The following DAB1 variants were observed in gnomAD, a reference collection of about 807,000 sequenced individuals.
DAB1 encodes disabled homolog 1.
DAB1 carries 15 observed loss-of-function variants against 64.6 expected under a neutral mutation model. The observed-to-expected ratio is 0.23, with a 90% CI of 0.16 to 0.36. The LOEUF is 0.36. DAB1 is among the 10% of genes least tolerant of loss of function. The probability of loss-of-function intolerance (pLI) is 1.00; values close to 1 mark genes in which losing one functional copy is unlikely to be tolerated. For missense variants in DAB1, 596 were observed against 706.7 expected (o/e 0.84, Z 1.78); for synonymous variants, 235 against 251.9 (o/e 0.93, Z 0.64).
intron 6 of DAB1, among the ~76,000 whole-genome samples, chr1:57,717,186 G>A (rs984124923): frequency 1.5e-4 from 23 of 151,834 alleles, no homozygotes; most frequent in African/African-American, 5.3e-4. Flanking sequence ...GTGGTGAGCC[G>A]AGACCGCACC....
chr1:58,290,881 C>T (rs1317688684), intron 4 of DAB1, among the ~76,000 whole-genome samples: 1 of 152,204 alleles, frequency 6.6e-6, no homozygotes, highest in Non-Finnish European at 1.5e-5. Flanking sequence ...GGAGAGGTGC[C>T]GCATTGCTGA....
At chr1:57,182,556 T>C (rs181370201) in intron 2 of DAB1, among the ~76,000 whole-genome samples, 1 of 152,290 alleles carries the variant, frequency 6.6e-6, no homozygotes, top group Non-Finnish European at 1.5e-5. Context: ...AGGAAAGACT[T>C]ATCTCCTACC....
chr1:57,553,510 G>GGA (rs1318877570), intron 7 of DAB1, among the ~76,000 whole-genome samples: 1 of 40,236 alleles, frequency 2.5e-5, no homozygotes, highest in Non-Finnish European at 8.1e-5. Context: ...GGAAGGAAGA[G>GGA]AGAGAGAGAA....
chr1:58,312,077 C>T (rs1005480411), intron 4 of DAB1, among the ~76,000 whole-genome samples: 10 of 152,126 alleles, frequency 6.6e-5, no homozygotes, highest in African/African-American at 2.4e-4. Context: ...TGCCATCAGA[C>T]ACAAAGTTCC....
At chr1:57,314,985 A>C (rs568278024) in intron 1 of DAB1, among the ~76,000 whole-genome samples, 2 of 152,318 alleles carry the variant, frequency 1.3e-5, no homozygotes, top group East Asian at 3.9e-4. Context: ...AAGGGCACTT[A>C]CTTTAAATAA....
intron 5 of DAB1, among the ~76,000 whole-genome samples, chr1:58,077,623 T>G (rs1649736471): frequency 1.3e-5 from 2 of 152,232 alleles, no homozygotes; most frequent in East Asian, 1.9e-4. Flanking sequence ...TGGGTAATTG[T>G]TCTTCTGACC....
intron 7 of DAB1, among the ~76,000 whole-genome samples, chr1:57,525,698 C>A (rs900611298): frequency 6.6e-6 from 1 of 151,704 alleles, no homozygotes; most frequent in East Asian, 1.9e-4. Flanking sequence ...AAGTGTTAAA[C>A]CAAGATATAA....
At chr1:58,396,101 T>C (rs1644519216) in intron 3 of DAB1, among the ~76,000 whole-genome samples, 2 of 150,184 alleles carry the variant, frequency 1.3e-5, no homozygotes, top group Non-Finnish European at 3.0e-5. Flanking sequence ...TTGTGAAGTA[T>C]TACCAGGCGA....
At position 57,086,672 on chromosome 1, in the gene DAB1, CACACACACACACACAT is replaced by C. The variant is rs377015886; in HGVS notation, c.307-14274_307-14259del. 9.4e-3 allele frequency among the ~76,000 whole-genome samples: 1,417 copies of C among 150,660 alleles called. 31 individuals are homozygous for C. Among genetic ancestry groups the C allele is most frequent in the Admixed American group, 0.047 (709 of 15,074 alleles). On this transcript the variant is annotated intron_variant, in intron 4 of 14. Transcript: ENST00000371236. ...ACACACACACACACACACACACACA[CACACACACACACACAT>C]GAAAAAAACCTGAATGGCGGGGGGA...
intron 4 of DAB1, among the ~76,000 whole-genome samples, chr1:58,313,930 G>T (rs1351975328): frequency 1.3e-5 from 2 of 151,308 alleles, no homozygotes; most frequent in African/African-American, 4.9e-5. Flanking sequence ...TCACCTCCAA[G>T]AATCATCACA....
chr1:57,197,211 G>T (rs1272546210), intron 2 of DAB1, among the ~76,000 whole-genome samples: 1 of 152,076 alleles, frequency 6.6e-6, no homozygotes, highest in South Asian at 2.1e-4. Flanking sequence ...AGGCATGGTG[G>T]CACGTGTCTG....
At chr1:57,378,556 C>A (rs1393488158) in intron 1 of DAB1, among the ~76,000 whole-genome samples, 1 of 152,130 alleles carries the variant, frequency 6.6e-6, no homozygotes, top group African/African-American at 2.4e-5. Flanking sequence ...AATTACCAAG[C>A]TGTATAAGAT....
chr1:57,956,086 T>TA (rs1645386453), intron 5 of DAB1, among the ~76,000 whole-genome samples: 2 of 152,238 alleles, frequency 1.3e-5, no homozygotes, highest in East Asian at 3.9e-4. Context: ...ATCTGTTGTG[T>TA]CAGAGGAAGG....
chr1:57,923,726 A>G (rs551461669), intron 5 of DAB1, among the ~76,000 whole-genome samples: 1 of 152,352 alleles, frequency 6.6e-6, no homozygotes, highest in South Asian at 2.1e-4. Context: ...CAAGAACCTC[A>G]AAAGGTCTTT....
chr1:57,184,602 G>T (rs1345478157), intron 2 of DAB1, among the ~76,000 whole-genome samples: 1 of 152,078 alleles, frequency 6.6e-6, no homozygotes, highest in Non-Finnish European at 1.5e-5. Context: ...ATTCTACACG[G>T]TGACGACATT....
At chr1:58,323,717 A>G (rs907324801) in intron 4 of DAB1, among the ~76,000 whole-genome samples, 1 of 152,056 alleles carries the variant, frequency 6.6e-6, no homozygotes, top group Non-Finnish European at 1.5e-5. Flanking sequence ...TGAGGTCAGG[A>G]GATCGAGACC....
chr1:58,113,651 T>C (rs1234648559), intron 5 of DAB1, among the ~76,000 whole-genome samples: 1 of 151,512 alleles, frequency 6.6e-6, no homozygotes, highest in Non-Finnish European at 1.5e-5. Flanking sequence ...ATTAACACAC[T>C]CCCTAAGCAG....
chr1:57,524,547 G>A lies in DAB1; in HGVS notation n.625+125045C>T, dbSNP rs965348879. On this transcript the variant is annotated intron_variant and non_coding_transcript_variant, in intron 7 of 20. Transcript: ENST00000485760. ...AGTTCTTACAGGTTTTGGGATAGGCGATGAAGTTAAGAGCAATGTTTTGTG... is the reference window on the plus strand; with the variant it reads ...AGTTCTTACAGGTTTTGGGATAGGCAATGAAGTTAAGAGCAATGTTTTGTG... Among the ~76,000 whole-genome samples the A allele has an allele frequency of 1.7e-4, 26 of 152,140 alleles. 1 individual carries two copies. Among genetic ancestry groups the A allele is most frequent in the Admixed American group, 1.7e-3 (26 of 15,280 alleles).
At chr1:57,214,878 T>C (rs1666296969) in intron 2 of DAB1, among the ~76,000 whole-genome samples, 1 of 119,098 alleles carries the variant, frequency 8.4e-6, no homozygotes, top group African/African-American at 3.4e-5. Flanking sequence ...GCCACTGCAC[T>C]CCAGCCTGGG....
Sources: gnomAD v4.1 joint callset for allele counts (sites outside exome capture counted in the v4.1 genomes callset) on GRCh38, gnomAD v4.1.1 for gene constraint, MANE v1.5 for transcripts, NCBI Gene and HGNC (gene_info 2026-07-23, HGNC 2026-07-21) for gene names.